The following HTR2C variants were observed in gnomAD, a reference collection of about 807,000 sequenced individuals.
The protein encoded by HTR2C is 5-hydroxytryptamine receptor 2C.
In HTR2C, 5 loss-of-function variants were observed where a neutral mutation model predicts 21.0. The observed-to-expected ratio is 0.24, with a 90% CI of 0.12 to 0.50. HTR2C has a LOEUF of 0.50. Ranked by LOEUF, HTR2C falls within the 20% of genes least tolerant of loss-of-function variation. The pLI is 0.98. For missense variants in HTR2C, 271 were observed against 371.2 expected, an observed-to-expected ratio of 0.73 and a Z score of 2.22; for synonymous variants, 150 against 145.3, an observed-to-expected ratio of 1.03 and a Z score of -0.23.
At chrX:114,883,571 G>A in intron 5 of HTR2C, among the ~76,000 whole-genome samples, 1 of 109,168 alleles carries the variant, frequency 9.2e-6, no homozygotes. Context: ...AAACTTCTAA[G>A]CCCTGTGTAG....
At chrX:114,658,049 G>A (rs1930849949) in intron 2 of HTR2C, among the ~76,000 whole-genome samples, 1 of 63,881 alleles carries the variant, frequency 1.6e-5, no homozygotes, top group Admixed American at 2.2e-4. Context: ...TTTAGAGGAA[G>A]AGTAAAACAA....
chrX:114,769,711 T>TTTG (rs1363370818), intron 4 of HTR2C, among the ~76,000 whole-genome samples: 1 of 111,685 alleles, frequency 9.0e-6, no homozygotes, highest in East Asian at 2.8e-4. Flanking sequence ...TTCCCCCTTC[T>TTTG]TTGTGATATC....
At chrX:114,672,340 T>C (rs1291185401) in intron 2 of HTR2C, among the ~76,000 whole-genome samples, 1 of 110,552 alleles carries the variant, frequency 9.0e-6, no homozygotes, top group African/African-American at 3.3e-5. Flanking sequence ...GGCAGTGAGC[T>C]ATGATCGCAC....
chrX:114,830,149 G>A (rs1556460115), intron 4 of HTR2C, among the ~76,000 whole-genome samples: 1 of 111,326 alleles, frequency 9.0e-6, no homozygotes, highest in East Asian at 2.8e-4. Context: ...CAGAGCTCCT[G>A]GTGTATAGTG....
intron 2 of HTR2C, among the ~76,000 whole-genome samples, chrX:114,704,279 T>A (rs1240865199): frequency 4.5e-5 from 5 of 111,416 alleles, no homozygotes; most frequent in Admixed American, 1.9e-4. Context: ...TAGACCGATA[T>A]CCTTGATGAA....
In HTR2C at chrX:114,909,078, G is replaced by T. The variant is rs1384412015; in HGVS notation, c.*1663G>T. ...ACAGTATAGATAAATCCAATAGTCT[G>T]CCACAAGGGCAGTGGAAGAGCTGCT... On this transcript the variant is annotated 3_prime_UTR_variant, in exon 6 of 6. Transcript: ENST00000276198. The T allele has an allele frequency of 2.7e-5, 3 of 112,415 alleles. No individual in the cohort carries two copies. Among genetic ancestry groups the T allele is most frequent in the Non-Finnish European group, 5.6e-5 (3 of 53,228 alleles). 9.3% of individuals were successfully genotyped at this position (112,415 alleles called of 1,213,427 possible).
rs782480047 is a variant in HTR2C at position 114,811,106 on chromosome X, C to G, written c.350-36897C>G. ...TTGAAGTTCCAAGAAAGCCTCTGAG[C>G]TGGTGTGATTTGGGGGGCACTGCTA... On this transcript the variant is annotated intron_variant, in intron 4 of 5. Coordinates refer to ENST00000276198, the MANE Select transcript of HTR2C (RefSeq NM_000868.4). Among the ~76,000 whole-genome samples the G allele has an allele frequency of 4.5e-5, 5 of 111,794 alleles. No individual in the cohort carries two copies. The South Asian group carries it at 1.5e-3, about 33-fold the overall frequency.
intron 2 of HTR2C, among the ~76,000 whole-genome samples, chrX:114,699,548 T>A (rs1932393317): frequency 8.9e-6 from 1 of 111,755 alleles, no homozygotes; most frequent in Non-Finnish European, 1.9e-5. Flanking sequence ...TCAGTTAAGG[T>A]TTATTCAATA....
intron 2 of HTR2C, among the ~76,000 whole-genome samples, chrX:114,703,197 G>A (rs1438187937): frequency 6.6e-5 from 7 of 105,846 alleles, no homozygotes; most frequent in South Asian, 4.5e-4. Context: ...ACTCAGCTCT[G>A]CACCAAGAGG....
chrX:114,630,772 G>A (rs143928132), intron 2 of HTR2C: 12,828 of 331,933 alleles, frequency 0.039, 247 homozygotes, highest in Non-Finnish European at 0.05. Flanking sequence ...AGAGCATGGG[G>A]CCCCAACCCC....
At chrX:114,884,433 G>A (rs1556480636) in intron 5 of HTR2C, among the ~76,000 whole-genome samples, 1 of 111,120 alleles carries the variant, frequency 9.0e-6, no homozygotes, top group Admixed American at 9.7e-5. Context: ...TTCAAAATAT[G>A]TAAGGAACTC....
intron 5 of HTR2C, among the ~76,000 whole-genome samples, chrX:114,878,150 A>T (rs782138960): frequency 1.8e-5 from 2 of 110,759 alleles, no homozygotes; most frequent in South Asian, 7.4e-4. Context: ...AGTTGAGAGC[A>T]TATATATTTA....
At chrX:114,691,868 A>T (rs1472503929) in intron 2 of HTR2C, among the ~76,000 whole-genome samples, 1 of 111,965 alleles carries the variant, frequency 8.9e-6, no homozygotes. Context: ...TACAATTACT[A>T]CTAGCTTGGA....
At chrX:114,624,732 TAG>T (rs1556402493) in intron 2 of HTR2C, among the ~76,000 whole-genome samples, 2 of 112,065 alleles carry the variant, frequency 1.8e-5, no homozygotes, top group African/African-American at 6.5e-5. Context: ...CCTGATAGTT[TAG>T]AGTCTTCTCC....
intron 4 of HTR2C, among the ~76,000 whole-genome samples, chrX:114,797,592 T>G (rs2070305454): frequency 8.9e-6 from 1 of 111,771 alleles, no homozygotes; most frequent in South Asian, 3.6e-4. Context: ...AAAGGAAAAA[T>G]TCCTTGTTGT....
chrX:114,674,704 C>A (rs1720135906), intron 2 of HTR2C, among the ~76,000 whole-genome samples: 1 of 111,467 alleles, frequency 9.0e-6, no homozygotes, highest in East Asian at 2.8e-4. Context: ...TTAAGCCTCC[C>A]AATAATCCCT....
intron 4 of HTR2C, among the ~76,000 whole-genome samples, chrX:114,834,144 G>A (rs1556462571): frequency 9.1e-6 from 1 of 109,610 alleles, no homozygotes; most frequent in East Asian, 2.9e-4. Flanking sequence ...TTTGGAATAG[G>A]TGTGGTGTGG....
intron 5 of HTR2C, among the ~76,000 whole-genome samples, chrX:114,899,427 A>G (rs1399327182): frequency 9.0e-6 from 1 of 111,032 alleles, no homozygotes; most frequent in Non-Finnish European, 1.9e-5. Context: ...CAGAGTATGT[A>G]AAGCTCCTGG....
At chrX:114,791,630 G>GTTCA (rs782552704) in intron 4 of HTR2C, among the ~76,000 whole-genome samples, 17 of 110,909 alleles carry the variant, frequency 1.5e-4, no homozygotes, top group Non-Finnish European at 2.1e-4. Context: ...GAGATCAGAA[G>GTTCA]TTCATTCATT....
Sources: allele counts gnomAD v4.1 joint callset (sites outside exome capture counted in the v4.1 genomes callset), GRCh38; gene constraint gnomAD v4.1.1; transcripts MANE v1.5; gene names NCBI Gene and HGNC (gene_info 2026-07-23, HGNC 2026-07-21).